Variants in CTNNA3 observed in about 807,000 individuals in gnomAD.
CTNNA3 encodes catenin alpha-3.
In CTNNA3, 76 loss-of-function variants were observed where a neutral mutation model predicts 95.7. That is an observed-to-expected ratio of 0.79 (90% CI 0.66 to 0.96). The LOEUF is 0.96. Ranked by LOEUF, CTNNA3 falls within the 40% of genes least tolerant of loss-of-function variation. The pLI, the probability that CTNNA3 is intolerant of heterozygous loss-of-function variation, is 0.00. For synonymous variants in CTNNA3, 431 were observed against 374.4 expected (o/e 1.15, Z -1.74); for missense variants, 1,191 against 1,089.8 (o/e 1.09, Z -1.31).
intron 1 of CTNNA3, among the ~76,000 whole-genome samples, chr10:67,650,737 C>T (rs577319445): frequency 1.3e-5 from 2 of 152,294 alleles, no homozygotes; most frequent in East Asian, 3.9e-4. Flanking sequence ...CCATTTGACA[C>T]CCTGTGCACG....
chr10:66,735,584 A>C lies in CTNNA3; in HGVS notation c.1281+30680T>G, dbSNP rs149937918. On this transcript the variant is annotated intron_variant, in intron 9 of 17. Transcript: ENST00000433211. ...AACTTTATATATATTTACTCTTACT[A>C]TTTGATTCACTATGGGTCAGTCTTG... Among the ~76,000 whole-genome samples the C allele has an allele frequency of 7.3e-3, 1,117 of 152,074 alleles. 10 individuals are homozygous for C. Among genetic ancestry groups the C allele is most frequent in the African/African-American group, 0.026 (1,068 of 41,510 alleles).
chr10:66,946,337 A>G (rs1848272762), intron 7 of CTNNA3, among the ~76,000 whole-genome samples: 1 of 152,206 alleles, frequency 6.6e-6, no homozygotes. Flanking sequence ...CAGCATAATT[A>G]AGTTAGCAAT....
At chr10:66,340,655 ATAT>A (rs753371596) in intron 12 of CTNNA3, among the ~76,000 whole-genome samples, 43 of 151,804 alleles carry the variant, frequency 2.8e-4, no homozygotes, top group Non-Finnish European at 5.8e-4. Flanking sequence ...AATACATGAA[ATAT>A]TATTAAAGAT....
At chr10:66,515,413 A>G (rs1840813848) in intron 11 of CTNNA3, among the ~76,000 whole-genome samples, 1 of 151,974 alleles carries the variant, frequency 6.6e-6, no homozygotes, top group Admixed American at 6.6e-5. Context: ...TGCTTATAAA[A>G]AATTTGAAAG....
intron 10 of CTNNA3, among the ~76,000 whole-genome samples, chr10:66,620,770 T>A (rs925046435): frequency 1.3e-5 from 2 of 152,176 alleles, no homozygotes; most frequent in Non-Finnish European, 2.9e-5. Context: ...TCCTTCACAG[T>A]TTCCTTAATA....
intron 12 of CTNNA3, among the ~76,000 whole-genome samples, chr10:66,345,933 T>A (rs2092505984): frequency 6.6e-6 from 1 of 151,130 alleles, no homozygotes; most frequent in Non-Finnish European, 1.5e-5. Flanking sequence ...AAAACTTAGC[T>A]GGGAGTGGTG....
chr10:66,348,731 A>G (rs1413074727), intron 12 of CTNNA3, among the ~76,000 whole-genome samples: 4 of 152,088 alleles, frequency 2.6e-5, no homozygotes, highest in Non-Finnish European at 5.9e-5. Context: ...GTTTTACTCT[A>G]CGAGTGTCCG....
Position 66,480,611 on chromosome 10 carries a change from A to T in CTNNA3, c.1531+40006T>A, listed in dbSNP as rs181761650. ...TGTTGGCAAAATAATTTATTTATTTATTTTTTTTTTTGAGACAAAGTCTCG... is the reference window on the plus strand; with the variant it reads ...TGTTGGCAAAATAATTTATTTATTTTTTTTTTTTTTTGAGACAAAGTCTCG... On this transcript the variant is annotated intron_variant, in intron 11 of 17. Transcript: ENST00000433211. 3.9e-3 allele frequency among the ~76,000 whole-genome samples: 591 copies of T among 149,812 alleles called. 5 individuals carry two copies. The highest frequency in any genetic ancestry group is 8.4e-3 in the African/African-American group (338 of 40,450).
In CTNNA3 at chr10:67,655,302, CTATT is replaced by C. The variant is rs747539534; in HGVS notation, c.-5-7788_-5-7785del. On this transcript the variant is annotated intron_variant, in intron 1 of 17. Coordinates refer to ENST00000433211, the MANE Select transcript of CTNNA3 (RefSeq NM_013266.4). The stretch of plus-strand genomic sequence containing the variant: ...ACAGTGGATCTCATTTAGTGAAACT[CTATT>C]TAGTTAAATATAAAAGAGAAATATT... Among the ~76,000 whole-genome samples, 11 of 152,290 alleles carry C rather than the reference CTATT, an allele frequency of 7.2e-5. No individual in the cohort carries two copies. The East Asian group carries it at 9.6e-4, about 13-fold the overall frequency.
rs1269975994 is a variant in CTNNA3 at position 65,919,768 on chromosome 10, A to G, written c.*562T>C. The G allele has an allele frequency of 6.6e-6, 1 of 152,580 alleles. No homozygotes were observed. Among genetic ancestry groups the G allele is most frequent in the Non-Finnish European group, 1.5e-5 (1 of 68,342 alleles). The allele number at this position is 152,580 out of a possible 1,614,324, so 9.5% of individuals were successfully genotyped here. The stretch of plus-strand genomic sequence containing the variant: ...TTAGTTTATAATGGATATTAGCCTA[A>G]TAAGTTGACAATGAGTACAGCTATC... On this transcript the variant is annotated 3_prime_UTR_variant, in exon 18 of 18. Transcript: ENST00000433211.
chr10:66,682,344 A>C (rs1847095055), intron 9 of CTNNA3, among the ~76,000 whole-genome samples: 1 of 152,180 alleles, frequency 6.6e-6, no homozygotes, highest in South Asian at 2.1e-4. Flanking sequence ...ATAAGAATTA[A>C]AGGTAAAAAT....
intron 7 of CTNNA3, among the ~76,000 whole-genome samples, chr10:66,993,219 C>G (rs1457056249): frequency 6.6e-6 from 1 of 152,026 alleles, no homozygotes; most frequent in African/African-American, 2.4e-5. Flanking sequence ...CTCTATGTGG[C>G]TATTTGAGCT....
At chr10:66,831,611 C>G (rs187890358) in intron 7 of CTNNA3, among the ~76,000 whole-genome samples, 6 of 152,090 alleles carry the variant, frequency 3.9e-5, no homozygotes, top group South Asian at 2.1e-4. Flanking sequence ...ATGAAAGCAG[C>G]GGATATTTTA....
At chr10:66,673,018 G>T (rs559449972) in intron 9 of CTNNA3, among the ~76,000 whole-genome samples, 47 of 151,844 alleles carry the variant, frequency 3.1e-4, no homozygotes, top group Admixed American at 3.1e-3. Context: ...TCCAGATCTG[G>T]GCCTTAAATT....
At chr10:67,137,435 T>C in intron 7 of CTNNA3, among the ~76,000 whole-genome samples, 1 of 152,144 alleles carries the variant, frequency 6.6e-6, no homozygotes, top group South Asian at 2.1e-4. Flanking sequence ...GAAGCATGAT[T>C]TGTCATCTAA....
intron 5 of CTNNA3, among the ~76,000 whole-genome samples, chr10:67,464,170 TC>T (rs1310662347): frequency 6.6e-6 from 1 of 152,172 alleles, no homozygotes; most frequent in African/African-American, 2.4e-5. Context: ...ATTCCTCTTC[TC>T]TTTTACAGAA....
intron 5 of CTNNA3, among the ~76,000 whole-genome samples, chr10:67,488,918 T>C (rs1210890706): frequency 4.6e-5 from 7 of 152,234 alleles, no homozygotes; most frequent in African/African-American, 1.7e-4. Flanking sequence ...GTATTTTTAG[T>C]AGAGATGTGG....
intron 7 of CTNNA3, among the ~76,000 whole-genome samples, chr10:67,080,314 T>C (rs1051491724): frequency 6.6e-6 from 1 of 152,188 alleles, no homozygotes; most frequent in Non-Finnish European, 1.5e-5. Context: ...GGTTAATTTC[T>C]ACCTTTCACA....
At chr10:67,305,058 C>T (rs1410734213) in intron 5 of CTNNA3, among the ~76,000 whole-genome samples, 1 of 152,084 alleles carries the variant, frequency 6.6e-6, no homozygotes, top group African/African-American at 2.4e-5. Context: ...GGGCGGATCA[C>T]GAAGTCAGGA....
Sources: allele counts gnomAD v4.1 joint callset (sites outside exome capture counted in the v4.1 genomes callset), GRCh38; gene constraint gnomAD v4.1.1; transcripts MANE v1.5; gene names NCBI Gene and HGNC (gene_info 2026-07-23, HGNC 2026-07-21).